Variants in GRAMD1B observed in about 807,000 individuals in gnomAD.
GRAMD1B encodes the protein protein Aster-B.
A neutral mutation model predicts 99.7 loss-of-function variants in GRAMD1B; 37 were observed. The observed-to-expected ratio is 0.37, with a 90% CI of 0.29 to 0.49. GRAMD1B has a LOEUF of 0.49. GRAMD1B is among the 20% of genes least tolerant of loss of function. The probability of loss-of-function intolerance (pLI) is 0.98; values close to 1 mark genes in which losing one functional copy is unlikely to be tolerated. For synonymous variants in GRAMD1B, 427 were observed against 387.6 expected (o/e 1.10, Z -1.19); for missense variants, 888 against 1,009.2 (o/e 0.88, Z 1.63).
At chr11:123,612,689 G>A (rs17741481) in intron 14 of GRAMD1B, 72 bp from the exon 15 acceptor site, 22,783 of 843,206 alleles carry the variant, frequency 0.027, 386 homozygotes, top group South Asian at 0.036. Context: ...CCTTAACTCC[G>A]AATTTCCCTT....
intron 10 of GRAMD1B, 147 bp downstream of exon 10, chr11:123,605,625 G>T: frequency 1.5e-6 from 1 of 666,300 alleles, no homozygotes; most frequent in Admixed American, 2.9e-5. Flanking sequence ...TTCTGGAGCA[G>T]ATGGGCTCTC....
intron 1 of GRAMD1B, among the ~76,000 whole-genome samples, chr11:123,436,681 G>T (rs1032635110): frequency 2.6e-5 from 4 of 152,166 alleles, no homozygotes; most frequent in East Asian, 1.9e-4. Context: ...GTGAAGGCCT[G>T]GAGTCTTGCT....
At chr11:123,579,333 G>T (rs1438200920) in intron 3 of GRAMD1B, among the ~76,000 whole-genome samples, 4 of 152,236 alleles carry the variant, frequency 2.6e-5, no homozygotes, top group African/African-American at 9.6e-5. Context: ...TGGGGAGGAG[G>T]AGGGTGAACA....
At chr11:123,619,380 C>G in intron 19 of GRAMD1B, 156 bp downstream of exon 19, 4 of 1,503,910 alleles carry the variant, frequency 2.7e-6, no homozygotes, top group South Asian at 1.2e-5. Flanking sequence ...AAATGGAAAG[C>G]CTTCCTTGAG....
intron 2 of GRAMD1B, among the ~76,000 whole-genome samples, chr11:123,554,525 C>CAAAAAA (rs750680684): frequency 4.6e-5 from 4 of 86,508 alleles, no homozygotes; most frequent in Non-Finnish European, 8.0e-5. Flanking sequence ...CCCATCTTTA[C>CAAAAAA]AAAAAAAAAA....
rs1952570782 is a variant in GRAMD1B, at chr11:123,605,324, A to G, written c.1169A>G (p.Tyr390Cys). ...PPDDDFNTMG[Y>C]CEEIPVEENE... ...GACTCACTGGTGTCTCCTCTCAGAT[A>G]CTGTGAAGAGATCCCTGTGGAAGAG... The change falls in exon 10 of 20, where the codon TAC (tyrosine) becomes TGC (cysteine). Residue 390 changes from tyrosine to cysteine, a missense_variant and splice_region_variant. Tyr to Cys is a radical substitution (Grantham distance 194). Coordinates refer to ENST00000635736, the MANE Select transcript of GRAMD1B (RefSeq NM_001387025.1). 6.2e-7 allele frequency: 1 copy of G among 1,606,782 alleles called. No homozygotes were observed. The highest frequency in any genetic ancestry group is 8.5e-7 in the Non-Finnish European group (1 of 1,175,636).
At chr11:123,524,618 G>A (rs780477585) in intron 2 of GRAMD1B, among the ~76,000 whole-genome samples, 39 of 152,180 alleles carry the variant, frequency 2.6e-4, no homozygotes, top group Admixed American at 5.2e-4. Context: ...GGGATTACAG[G>A]CATGAGCCAC....
intron 1 of GRAMD1B, among the ~76,000 whole-genome samples, chr11:123,419,698 AGTGTGTGTGTGTGTGTGTGTGTGTGTGT>A (rs3222403): frequency 1.5e-5 from 2 of 134,102 alleles, no homozygotes; most frequent in Non-Finnish European, 3.2e-5. Flanking sequence ...GGAATTTCTA[AGTGTGTGTGTGTGTGTGTGTGTGTGTGT>A]GTGTGTGTGT....
intron 1 of GRAMD1B, among the ~76,000 whole-genome samples, chr11:123,394,368 A>G (rs1750619259): frequency 6.6e-6 from 1 of 152,182 alleles, no homozygotes; most frequent in African/African-American, 2.4e-5. Flanking sequence ...AGGCTTTAAC[A>G]TATTCTTGCT....
chr11:123,571,598 G>A (rs549747766), intron 2 of GRAMD1B, among the ~76,000 whole-genome samples: 1 of 152,206 alleles, frequency 6.6e-6, no homozygotes, highest in Admixed American at 6.5e-5. Flanking sequence ...GAGGGGAAAT[G>A]GGGAAATGAA....
At chr11:123,480,245 G>A (rs11219165) in intron 1 of GRAMD1B, among the ~76,000 whole-genome samples, 8 of 151,986 alleles carry the variant, frequency 5.3e-5, no homozygotes, top group African/African-American at 7.3e-5. Context: ...TTTCTCATCC[G>A]CCTCAGCCTC....
At chr11:123,463,333 T>C (rs1279884437) in intron 1 of GRAMD1B, among the ~76,000 whole-genome samples, 1 of 152,230 alleles carries the variant, frequency 6.6e-6, no homozygotes, top group Admixed American at 6.5e-5. Flanking sequence ...ATCTTTAAAA[T>C]GGGGATCAGA....
intron 2 of GRAMD1B, among the ~76,000 whole-genome samples, chr11:123,538,191 C>T (rs2080683629): frequency 6.6e-6 from 1 of 152,130 alleles, no homozygotes; most frequent in Admixed American, 6.5e-5. Flanking sequence ...ATCCTCCTCT[C>T]CCAGTCATTT....
chr11:123,442,085 C>A (rs1410982423), intron 1 of GRAMD1B, among the ~76,000 whole-genome samples: 1 of 152,148 alleles, frequency 6.6e-6, no homozygotes, highest in East Asian at 1.9e-4. Context: ...TCTCCCCACA[C>A]ACCAAGAAGT....
intron 1 of GRAMD1B, among the ~76,000 whole-genome samples, chr11:123,364,380 T>C (rs1328789883): frequency 6.6e-6 from 1 of 152,220 alleles, no homozygotes; most frequent in Non-Finnish European, 1.5e-5. Flanking sequence ...CAGGGAGCGA[T>C]TGAGAGCATC....
chr11:123,549,778 T>TAGTCTGAACCCTCCTC lies in GRAMD1B; in HGVS notation c.453-27588_453-27573dup, dbSNP rs576928023. On this transcript the variant is annotated intron_variant, in intron 2 of 19. Coordinates refer to ENST00000635736, the MANE Select transcript of GRAMD1B (RefSeq NM_001387025.1). ...TGCAGCATGTCAGTAACTCCTCCCT[T>TAGTCTGAACCCTCCTC]AGTCTGAACCCTCCTCTTTAAGAGT... 2.6e-4 allele frequency among the ~76,000 whole-genome samples: 40 copies of TAGTCTGAACCCTCCTC among 152,270 alleles called. 1 individual carries two copies. In the East Asian group the frequency reaches 7.5e-3, roughly 29 times the overall value.
intron 1 of GRAMD1B, among the ~76,000 whole-genome samples, chr11:123,396,216 T>C (rs1221432043): frequency 6.9e-6 from 1 of 144,748 alleles, no homozygotes; most frequent in Non-Finnish European, 1.6e-5. Flanking sequence ...TTTTTTTAGA[T>C]GGAAAAGTCC....
At chr11:123,456,183 C>G (rs1950109857) in intron 1 of GRAMD1B, among the ~76,000 whole-genome samples, 1 of 151,730 alleles carries the variant, frequency 6.6e-6, no homozygotes, top group Non-Finnish European at 1.5e-5. Flanking sequence ...AAAAACAAAA[C>G]AAAACAAAAA....
intron 2 of GRAMD1B, among the ~76,000 whole-genome samples, chr11:123,515,164 A>G (rs1941555387): frequency 6.6e-6 from 1 of 152,196 alleles, no homozygotes; most frequent in Non-Finnish European, 1.5e-5. Context: ...TGACTGGGTC[A>G]CTTGGTAGCT....
Sources: gnomAD v4.1 joint callset for allele counts (sites outside exome capture counted in the v4.1 genomes callset) on GRCh38, gnomAD v4.1.1 for gene constraint, MANE v1.5 for transcripts, NCBI Gene and HGNC (gene_info 2026-07-23, HGNC 2026-07-21) for gene names.